The following TOX variants were observed in gnomAD, a reference collection of about 807,000 sequenced individuals.
TOX encodes the protein thymocyte selection associated high mobility group box, also known as thymocyte selection-associated high mobility group box protein TOX.
TOX carries 11 observed loss-of-function variants against 53.7 expected under a neutral mutation model. The observed-to-expected ratio is 0.20, with a 90% CI of 0.13 to 0.34. The LOEUF (loss-of-function observed/expected upper bound fraction) is 0.34. Among genes scored for constraint, TOX ranks in the 10% least tolerant of loss-of-function variants. TOX has a pLI of 1.00. For synonymous variants in TOX, 225 were observed against 245.3 expected, an observed-to-expected ratio of 0.92 and a Z score of 0.77; for missense variants, 570 against 664.6, an observed-to-expected ratio of 0.86 and a Z score of 1.56.
chr8:58,829,852 C>CA (rs915255240), intron 5 of TOX, among the ~76,000 whole-genome samples: 10 of 151,210 alleles, frequency 6.6e-5, no homozygotes, highest in East Asian at 1.9e-4. Flanking sequence ...TAAAAATTAT[C>CA]AAAAAAAAAT....
At chr8:59,090,972 C>T (rs935414027) in intron 1 of TOX, among the ~76,000 whole-genome samples, 2 of 152,184 alleles carry the variant, frequency 1.3e-5, no homozygotes, top group Admixed American at 6.5e-5. Flanking sequence ...CCATCTCCAC[C>T]AGCTGTGACT....
At chr8:59,074,478 C>T (rs1185097041) in intron 1 of TOX, among the ~76,000 whole-genome samples, 2 of 151,950 alleles carry the variant, frequency 1.3e-5, no homozygotes, top group East Asian at 3.9e-4. Context: ...GTAAGATATG[C>T]GGATGGATCA....
At chr8:58,893,722 G>A (rs1811596283) in intron 3 of TOX, among the ~76,000 whole-genome samples, 1 of 152,160 alleles carries the variant, frequency 6.6e-6, no homozygotes, top group Admixed American at 6.5e-5. Flanking sequence ...GACCTAAGTT[G>A]ACTTTACATA....
intron 1 of TOX, among the ~76,000 whole-genome samples, chr8:59,038,512 T>C (rs768560334): frequency 9.2e-5 from 14 of 152,242 alleles, no homozygotes; most frequent in Non-Finnish European, 2.1e-4. Context: ...CATTTTTCAA[T>C]AACAACAGTA....
At chr8:58,929,589 T>C (rs568943075) in intron 3 of TOX, among the ~76,000 whole-genome samples, 28 of 152,282 alleles carry the variant, frequency 1.8e-4, no homozygotes, top group African/African-American at 6.3e-4. Context: ...TAGTGGTGTC[T>C]TGAAATGAGA....
At chr8:58,948,595 G>A (rs1425185568) in intron 2 of TOX, among the ~76,000 whole-genome samples, 1 of 152,162 alleles carries the variant, frequency 6.6e-6, no homozygotes, top group Non-Finnish European at 1.5e-5. Context: ...ACTTCTGAAA[G>A]TTAGTCAGGA....
chr8:59,081,166 A>G (rs1804399242), intron 1 of TOX, among the ~76,000 whole-genome samples: 1 of 152,140 alleles, frequency 6.6e-6, no homozygotes, highest in African/African-American at 2.4e-5. Context: ...AGCTGGGACT[A>G]CAAGTGAGTA....
chr8:58,863,248 G>GTC (rs1204428164), intron 3 of TOX, among the ~76,000 whole-genome samples: 1 of 152,034 alleles, frequency 6.6e-6, no homozygotes, highest in African/African-American at 2.4e-5. Context: ...ATTTGAACTG[G>GTC]TCTCTCTCTC....
chr8:58,982,076 G>A (rs1813215825), intron 1 of TOX, among the ~76,000 whole-genome samples: 1 of 152,108 alleles, frequency 6.6e-6, no homozygotes, highest in South Asian at 2.1e-4. Flanking sequence ...ACTTCTCAAA[G>A]TAACTTGGTA....
At chr8:58,984,884 T>C (rs541727501) in intron 1 of TOX, among the ~76,000 whole-genome samples, 1 of 150,606 alleles carries the variant, frequency 6.6e-6, no homozygotes, top group Non-Finnish European at 1.5e-5. Flanking sequence ...TGTAAGATGG[T>C]GCAACTGGCT....
intron 1 of TOX, among the ~76,000 whole-genome samples, chr8:59,034,744 C>T (rs1042832916): frequency 3.9e-5 from 6 of 152,140 alleles, no homozygotes; most frequent in African/African-American, 1.2e-4. Context: ...AAGAAAATGG[C>T]AAGTTAGAGA....
At chr8:59,041,937 T>A (rs1803594688) in intron 1 of TOX, among the ~76,000 whole-genome samples, 3 of 152,232 alleles carry the variant, frequency 2.0e-5, no homozygotes, top group African/African-American at 4.8e-5. Context: ...GTTATGTACG[T>A]TATGTAAGTT....
chr8:58,903,165 A>G (rs1010166315), intron 3 of TOX, among the ~76,000 whole-genome samples: 1 of 152,228 alleles, frequency 6.6e-6, no homozygotes, highest in Non-Finnish European at 1.5e-5. Context: ...TGCAGAATTA[A>G]CACAGACCCT....
intron 3 of TOX, among the ~76,000 whole-genome samples, chr8:58,873,677 T>G (rs1811233245): frequency 1.3e-5 from 2 of 152,104 alleles, no homozygotes; most frequent in Non-Finnish European, 2.9e-5. Flanking sequence ...GGGATGTTTT[T>G]CCCTCCCTAA....
At chr8:58,866,913 A>G (rs1811113239) in intron 3 of TOX, among the ~76,000 whole-genome samples, 1 of 152,170 alleles carries the variant, frequency 6.6e-6, no homozygotes, top group Non-Finnish European at 1.5e-5. Flanking sequence ...GACATATTTA[A>G]TATCTCAGCA....
At chr8:58,911,214 G>A (rs901191623) in intron 3 of TOX, among the ~76,000 whole-genome samples, 1 of 152,108 alleles carries the variant, frequency 6.6e-6, no homozygotes, top group Admixed American at 6.5e-5. Flanking sequence ...CTTTGAAAGT[G>A]TTGAACAGGA....
chr8:58,814,188 T>G (rs1476909840), intron 7 of TOX, among the ~76,000 whole-genome samples: 1 of 152,196 alleles, frequency 6.6e-6, no homozygotes, highest in Non-Finnish European at 1.5e-5. Flanking sequence ...TATGTATATT[T>G]GATTTCTTTT....
At chr8:59,099,111 G>A (rs983298563) in intron 1 of TOX, among the ~76,000 whole-genome samples, 1 of 152,160 alleles carries the variant, frequency 6.6e-6, no homozygotes, top group African/African-American at 2.4e-5. Flanking sequence ...GTCTGTAATA[G>A]AGATGACACT....
chr8:58,901,166 C>T (rs1161045916), intron 3 of TOX, among the ~76,000 whole-genome samples: 1 of 152,036 alleles, frequency 6.6e-6, no homozygotes, highest in East Asian at 1.9e-4. Flanking sequence ...TATTTTAGTA[C>T]AACACATTAA....
Sources: allele counts gnomAD v4.1 joint callset (sites outside exome capture counted in the v4.1 genomes callset), GRCh38; gene constraint gnomAD v4.1.1; transcripts MANE v1.5; gene names NCBI Gene and HGNC (gene_info 2026-07-23, HGNC 2026-07-21).